GRK5: variants seen among roughly 807,000 people sequenced by gnomAD.
The protein encoded by GRK5 is g protein-coupled receptor kinase GRK5.
In GRK5, 40 loss-of-function variants were observed where a neutral mutation model predicts 78.4. The observed-to-expected ratio is 0.51, with a 90% CI of 0.40 to 0.66. The LOEUF is 0.66. GRK5 is among the 30% of genes least tolerant of loss of function. The pLI, the probability that GRK5 is intolerant of heterozygous loss-of-function variation, is 0.00. For synonymous variants in GRK5, 289 were observed against 296.8 expected, an observed-to-expected ratio of 0.97 and a Z score of 0.27; for missense variants, 598 against 759.9, an observed-to-expected ratio of 0.79 and a Z score of 2.50.
chr10:119,233,196 AC>A (rs1848859401), intron 1 of GRK5, among the ~76,000 whole-genome samples: 1 of 151,844 alleles, frequency 6.6e-6, no homozygotes, highest in Non-Finnish European at 1.5e-5. Flanking sequence ...GCCCACATCT[AC>A]CCCCTCTTCT....
At chr10:119,256,463 G>A (rs1849287197) in intron 1 of GRK5, among the ~76,000 whole-genome samples, 1 of 152,178 alleles carries the variant, frequency 6.6e-6, no homozygotes, top group Non-Finnish European at 1.5e-5. Flanking sequence ...GAGAATGTAG[G>A]AAACTTGTTG....
At chr10:119,297,392 G>A (rs1489253595) in intron 1 of GRK5, among the ~76,000 whole-genome samples, 1 of 152,116 alleles carries the variant, frequency 6.6e-6, no homozygotes, top group African/African-American at 2.4e-5. Flanking sequence ...GCCTGCAGAT[G>A]GGTGAAGAGT....
intron 1 of GRK5, among the ~76,000 whole-genome samples, chr10:119,260,598 G>C (rs1821177791): frequency 6.6e-6 from 1 of 151,862 alleles, no homozygotes; most frequent in Admixed American, 6.6e-5. Context: ...TTAGGGAGTG[G>C]TGATGACTCT....
At position 119,453,203 on chromosome 10, in the gene GRK5, C is replaced by A; in HGVS notation, c.1601C>A (p.Pro534Gln). ...LNVFGPNGTL[P>Q]PDLNRNHPPE... ...GTGTTTGGACCTAATGGTACCCTCC[C>A]GCCAGATCTGAACAGAAACCACCCT... The change falls in exon 15 of 16, where the codon CCG becomes CAG. Residue 534 changes from proline to glutamine, a missense_variant. Transcript: ENST00000392870. The A allele has an allele frequency of 6.2e-7, 1 of 1,606,822 alleles. No individual in the cohort carries two copies. Among genetic ancestry groups the A allele is most frequent in the Non-Finnish European group, 8.5e-7 (1 of 1,173,402 alleles).
chr10:119,260,894 A>C (rs1231818382), intron 1 of GRK5, among the ~76,000 whole-genome samples: 10 of 151,708 alleles, frequency 6.6e-5, no homozygotes, highest in Admixed American at 3.3e-4. Context: ...CATTGTCATC[A>C]TGGCCCGTTC....
intron 1 of GRK5, among the ~76,000 whole-genome samples, chr10:119,232,777 C>A (rs1048079804): frequency 6.6e-6 from 1 of 152,192 alleles, no homozygotes; most frequent in Non-Finnish European, 1.5e-5. Context: ...AAACCTCTTT[C>A]TTTTGTAAAT....
intron 4 of GRK5, among the ~76,000 whole-genome samples, chr10:119,410,929 C>G (rs1259828306): frequency 3.3e-5 from 5 of 150,720 alleles, no homozygotes; most frequent in Non-Finnish European, 7.4e-5. Flanking sequence ...GTGACCTGCA[C>G]TCTACAGCCT....
At chr10:119,411,043 AAC>A (rs924492851) in intron 4 of GRK5, among the ~76,000 whole-genome samples, 23 of 151,778 alleles carry the variant, frequency 1.5e-4, no homozygotes, top group African/African-American at 5.3e-4. Flanking sequence ...GCACTCAGGG[AAC>A]CCGTATGGCT....
chr10:119,235,606 A>G (rs945421674), intron 1 of GRK5, among the ~76,000 whole-genome samples: 2 of 152,184 alleles, frequency 1.3e-5, no homozygotes, highest in East Asian at 1.9e-4. Flanking sequence ...AATTGGCTCA[A>G]TAACAAAAAG....
intron 1 of GRK5, among the ~76,000 whole-genome samples, chr10:119,276,794 T>G (rs1849677076): frequency 6.6e-6 from 1 of 152,200 alleles, no homozygotes; most frequent in South Asian, 2.1e-4. Context: ...GGAATTCAAC[T>G]GTCAAAGTCA....
chr10:119,361,989 A>T (rs1851372871), intron 2 of GRK5, among the ~76,000 whole-genome samples: 1 of 143,914 alleles, frequency 6.9e-6, no homozygotes, highest in African/African-American at 2.6e-5. Flanking sequence ...AAAAAAAAAA[A>T]AGAATTGAAA....
intron 4 of GRK5, among the ~76,000 whole-genome samples, chr10:119,409,307 G>A (rs574197936): frequency 2.6e-5 from 4 of 152,236 alleles, no homozygotes; most frequent in African/African-American, 7.2e-5. Flanking sequence ...TCATCTTGGC[G>A]CCTCCTGACG....
In GRK5 at chr10:119,207,847, C is replaced by T. The variant is rs1053029416; in HGVS notation, c.-71C>T. 5.6e-6 allele frequency: 8 copies of T among 1,433,974 alleles called. No individual in the cohort carries two copies. In the African/African-American group the frequency reaches 1.2e-4, roughly 21 times the overall value. 88.8% of individuals were successfully genotyped at this position (1,433,974 alleles called of 1,614,324 possible). On this transcript the variant is annotated 5_prime_UTR_variant, in exon 1 of 16. Transcript: ENST00000392870. ...GCAGCGGCGGCAGCCCGAGCAGCGG[C>T]AGCAGCAGCGGCAGCACCCCAGGCG...
intron 4 of GRK5, among the ~76,000 whole-genome samples, chr10:119,398,305 A>G (rs915111): frequency 0.85 from 128,881 of 152,156 alleles, 54,878 homozygotes; most frequent in East Asian, 1. Flanking sequence ...CCTGAGCTTA[A>G]AGGGGTGCAT....
intron 4 of GRK5, among the ~76,000 whole-genome samples, chr10:119,405,385 G>A (rs976386429): frequency 6.6e-6 from 1 of 152,054 alleles, no homozygotes; most frequent in Non-Finnish European, 1.5e-5. Context: ...CAATGATAGG[G>A]TAAGACAGGG....
At chr10:119,313,698 C>T (rs917576884) in intron 1 of GRK5, among the ~76,000 whole-genome samples, 1 of 152,054 alleles carries the variant, frequency 6.6e-6, no homozygotes, top group African/African-American at 2.4e-5. Flanking sequence ...GAAGGGTTTC[C>T]TGGGAGGGAC....
chr10:119,306,666 G>C (rs1283572334), intron 1 of GRK5, among the ~76,000 whole-genome samples: 1 of 152,132 alleles, frequency 6.6e-6, no homozygotes, highest in Admixed American at 6.5e-5. Context: ...CTTCTCCTGG[G>C]GAAAGAGGTG....
intron 1 of GRK5, among the ~76,000 whole-genome samples, chr10:119,218,934 T>C (rs1353260916): frequency 2.0e-5 from 3 of 150,894 alleles, no homozygotes; most frequent in African/African-American, 7.4e-5. Context: ...AGTCTCGCTC[T>C]GTCCCTAGGC....
In GRK5 at chr10:119,443,643, G is replaced by T; in HGVS notation, c.1157G>T (p.Arg386Leu). 6.2e-7 allele frequency: 1 copy of T among 1,613,524 alleles called. No homozygotes were observed. The highest frequency in any genetic ancestry group is 8.5e-7 in the Non-Finnish European group (1 of 1,179,924). ...ATGATCGAGGGCCAGTCGCCGTTCC[G>T]CGGCCGCAAGGAGAAGGTGAAGCGG... is the stretch of plus-strand genomic sequence containing the variant. Reference protein sequence around the residue: ...YEMIEGQSPFRGRKEKVKREE... With the variant: ...YEMIEGQSPFLGRKEKVKREE... The change falls in exon 12 of 16, where the codon CGC (arginine) becomes CTC (leucine). Residue 386 changes from arginine to leucine, a missense_variant. Coordinates refer to ENST00000392870, the MANE Select transcript of GRK5 (RefSeq NM_005308.3).
Sources: allele counts gnomAD v4.1 joint callset (sites outside exome capture counted in the v4.1 genomes callset), GRCh38; gene constraint gnomAD v4.1.1; transcripts MANE v1.5; gene names NCBI Gene and HGNC (gene_info 2026-07-23, HGNC 2026-07-21).